ENPP2: variants seen among roughly 807,000 people sequenced by gnomAD.
ENPP2 encodes the protein autotaxin.
A neutral mutation model predicts 120.2 loss-of-function variants in ENPP2; 51 were observed. The observed-to-expected ratio is 0.42, with a 90% CI of 0.34 to 0.54. The LOEUF is 0.54. ENPP2 is among the 20% of genes least tolerant of loss of function. The pLI is 0.04. For synonymous variants in ENPP2, 365 were observed against 366.4 expected (o/e 1.00, Z 0.04); for missense variants, 920 against 1,066.5 (o/e 0.86, Z 1.91).
chr8:119,612,656 G>A (rs549925167), intron 8 of ENPP2, among the ~76,000 whole-genome samples: 18 of 152,336 alleles, frequency 1.2e-4, no homozygotes, highest in African/African-American at 4.3e-4. Flanking sequence ...TTGAGAGGCT[G>A]AGGCAGGCAC....
At chr8:119,667,940 G>A (rs1042287217) in intron 1 of ENPP2, among the ~76,000 whole-genome samples, 6 of 152,038 alleles carry the variant, frequency 3.9e-5, no homozygotes, top group African/African-American at 1.4e-4. Flanking sequence ...CCCTTGCACA[G>A]CTCACTGAAG....
chr8:119,604,527 G>A (rs182327567), intron 9 of ENPP2, among the ~76,000 whole-genome samples: 30 of 151,580 alleles, frequency 2.0e-4, no homozygotes, highest in African/African-American at 6.3e-4. Context: ...ACATGTTGCT[G>A]TCTTCACCAC....
intron 11 of ENPP2, among the ~76,000 whole-genome samples, chr8:119,597,039 G>A (rs1258269571): frequency 6.6e-6 from 1 of 152,112 alleles, no homozygotes; most frequent in Non-Finnish European, 1.5e-5. Flanking sequence ...TGCAGGAAGG[G>A]GCGGGAGGAG....
chr8:119,618,532 T>C lies in ENPP2; in HGVS notation c.479+712A>G. The C allele has an allele frequency of 1.5e-5, 5 of 334,412 alleles. 1 individual carries two copies. Among genetic ancestry groups the C allele is most frequent in the South Asian group, 1.2e-4 (5 of 41,370 alleles). The allele number at this position is 334,412 out of a possible 1,614,324, so 20.7% of individuals were successfully genotyped here. A position where few individuals can be genotyped will look rare whatever the true frequency, so the allele number is the denominator to read the frequency against. On this transcript the variant is annotated intron_variant, in intron 5 of 24. Coordinates refer to ENST00000075322, the MANE Select transcript of ENPP2 (RefSeq NM_001040092.3). Reference sequence around the variant, plus strand: ...AAGGTTCCCATTCAGAAGCCAGATGTCCCACTGCCTTGGATGCCTTTTTTT... The same window carrying C: ...AAGGTTCCCATTCAGAAGCCAGATGCCCCACTGCCTTGGATGCCTTTTTTT...
chr8:119,582,759 C>T lies in ENPP2; in HGVS notation c.1544-157G>A, dbSNP rs144140038. On this transcript the variant is annotated intron_variant, in intron 17 of 24. Transcript: ENST00000075322. ...GTAGATGGCAGGCACCCCCTCCTTA[C>T]CTCCTGAACCATTCTGGACTAACTA... Among the ~76,000 whole-genome samples the T allele has an allele frequency of 9.1e-3, 1,382 of 152,266 alleles. 19 individuals are homozygous for T. Among genetic ancestry groups the T allele is most frequent in the African/African-American group, 0.031 (1,294 of 41,538 alleles).
intron 4 of ENPP2, among the ~76,000 whole-genome samples, chr8:119,620,406 A>G (rs1375897256): frequency 1.3e-5 from 2 of 152,338 alleles, no homozygotes; most frequent in African/African-American, 4.8e-5. Flanking sequence ...TAACAATACA[A>G]TAATTGTTTG....
At chr8:119,645,815 CAAA>C (rs57853579) in intron 1 of ENPP2, among the ~76,000 whole-genome samples, 9 of 97,650 alleles carry the variant, frequency 9.2e-5, no homozygotes, top group Middle Eastern at 5.7e-3. Context: ...AACTCAATCT[CAAA>C]AAAAAAAAAA....
chr8:119,611,125 A>G (rs1161831687), intron 8 of ENPP2, among the ~76,000 whole-genome samples: 1 of 152,188 alleles, frequency 6.6e-6, no homozygotes, highest in Admixed American at 6.5e-5. Flanking sequence ...GGCTTCCTCC[A>G]CAGGAACCAA....
chr8:119,608,038 G>T, intron 8 of ENPP2, 61 bp from the exon 9 acceptor site: 2 of 1,218,690 alleles, frequency 1.6e-6, no homozygotes, highest in South Asian at 1.3e-5. Context: ...AGAAGAAAAA[G>T]TTTTTAAAAT....
At chr8:119,656,240 T>G (rs1817763005) in intron 1 of ENPP2, among the ~76,000 whole-genome samples, 1 of 152,208 alleles carries the variant, frequency 6.6e-6, no homozygotes. Flanking sequence ...TGATAAAAAT[T>G]CAGAAACCCT....
rs1816478923 is a variant in ENPP2, at chr8:119,629,105, C to A, written c.137-2385G>T. 2.0e-5 allele frequency among the ~76,000 whole-genome samples: 3 copies of A among 151,728 alleles called. No homozygotes were observed. In the South Asian group the frequency reaches 6.3e-4, roughly 32 times the overall value. ...AAAATATATACTGTATAATATATGT[C>A]TGTGTGGGTATGTATACATATGCAC... On this transcript the variant is annotated intron_variant, in intron 2 of 24. Transcript: ENST00000075322.
chr8:119,583,137 G>A (rs1205697221), intron 17 of ENPP2, among the ~76,000 whole-genome samples: 3 of 152,182 alleles, frequency 2.0e-5, no homozygotes, highest in Non-Finnish European at 4.4e-5. Flanking sequence ...GTTGCCAAGT[G>A]CGTATTCAGT....
intron 11 of ENPP2, among the ~76,000 whole-genome samples, chr8:119,597,084 T>A (rs1813948892): frequency 6.6e-6 from 1 of 152,144 alleles, no homozygotes; most frequent in African/African-American, 2.4e-5. Context: ...GGGGAACATC[T>A]GCCATGCGAT....
In ENPP2 at chr8:119,564,963, A is replaced by G. The variant is rs200456839; in HGVS notation, c.2132-8T>C. The G allele has an allele frequency of 2.9e-5, 47 of 1,608,038 alleles. No homozygotes were observed. The highest frequency in any genetic ancestry group is 3.7e-5 in the Non-Finnish European group (44 of 1,177,700). Reference sequence around the variant, plus strand: ...GGAAATAATTCCAGACCCCTGTGCAAAGACAAAAATCCAAAAATCAATTAT... The same window carrying G: ...GGAAATAATTCCAGACCCCTGTGCAGAGACAAAAATCCAAAAATCAATTAT... On this transcript the variant is annotated splice_polypyrimidine_tract_variant and splice_region_variant and intron_variant, in intron 22 of 24. Transcript: ENST00000075322.
At position 119,593,875 on chromosome 8, in the gene ENPP2, C is replaced by G; in HGVS notation, c.973-15G>C. On this transcript the variant is annotated splice_polypyrimidine_tract_variant and intron_variant, in intron 11 of 24. Coordinates refer to ENST00000075322, the MANE Select transcript of ENPP2 (RefSeq NM_001040092.3). ...GGATTTGTCATCTAGGAAAAAGAAG[C>G]AAGTTAGTCCCCACAGGGTTTTCTT... 1 of 1,383,236 alleles carries G rather than the reference C, an allele frequency of 7.2e-7. No homozygotes were observed. Among genetic ancestry groups the G allele is most frequent in the Non-Finnish European group, 1.0e-6 (1 of 969,238 alleles). 85.7% of individuals were successfully genotyped at this position (1,383,236 alleles called of 1,614,324 possible). A position where few individuals can be genotyped will look rare whatever the true frequency, so the allele number is the denominator to read the frequency against.
intron 1 of ENPP2, among the ~76,000 whole-genome samples, chr8:119,670,366 A>T (rs541898988): frequency 6.6e-6 from 1 of 152,354 alleles, no homozygotes; most frequent in South Asian, 2.1e-4. Context: ...CATATTATAG[A>T]TGATAATTTC....
intron 1 of ENPP2, among the ~76,000 whole-genome samples, chr8:119,659,256 G>A (rs750444132): frequency 3.3e-5 from 5 of 150,184 alleles, no homozygotes; most frequent in Non-Finnish European, 7.4e-5. Flanking sequence ...GAGGGAGGTT[G>A]CAGTGAACCG....
At chr8:119,654,448 A>G (rs1164939855) in intron 1 of ENPP2, among the ~76,000 whole-genome samples, 3 of 146,110 alleles carry the variant, frequency 2.1e-5, no homozygotes, top group South Asian at 2.1e-4. Flanking sequence ...TTATATTGTT[A>G]TATTTATAAA....
intron 19 of ENPP2, chr8:119,571,347 C>T (rs1183124215): frequency 2.6e-5 from 4 of 152,268 alleles, no homozygotes; most frequent in African/African-American, 9.6e-5. Context: ...AAGTAAGCAG[C>T]TTTGTCATAC....
Sources: gnomAD v4.1 joint callset for allele counts (sites outside exome capture counted in the v4.1 genomes callset) on GRCh38, gnomAD v4.1.1 for gene constraint, MANE v1.5 for transcripts, NCBI Gene and HGNC (gene_info 2026-07-23, HGNC 2026-07-21) for gene names.